Variants in CP observed in about 807,000 individuals in gnomAD.
The protein encoded by CP is ceruloplasmin.
Under a neutral mutation model 122.4 loss-of-function variants are expected in CP, and 64 were observed. That is an observed-to-expected ratio of 0.52 (90% CI 0.43 to 0.64). The LOEUF (loss-of-function observed/expected upper bound fraction) is 0.64, where lower values mean the gene tolerates loss of function less well. Among genes scored for constraint, CP ranks in the 30% least tolerant of loss-of-function variants. The pLI is 0.00. For missense variants in CP, 1,167 were observed against 1,284.4 expected (o/e 0.91, Z 1.40); for synonymous variants, 440 against 436.4 (o/e 1.01, Z -0.10).
Position 149,181,986 on chromosome 3 carries a change from C to CCCCCCCCCA in CP, c.2554+18_2554+19insTGGGGGGGG. 1.7e-6 allele frequency: 1 copy of CCCCCCCCCA among 586,880 alleles called. No homozygotes were observed. The highest frequency in any genetic ancestry group is 2.0e-5 in the Admixed American group (1 of 49,398). The allele number at this position is 586,880 out of a possible 1,614,324, so 36.4% of individuals were successfully genotyped here. ...AGCCTGTTAAAATGCACCACCCCCA[C>CCCCCCCCCA]CCCCGCCCCCGTGAGTACCTGGTAA... On this transcript the variant is annotated intron_variant, in intron 14 of 18. Coordinates refer to ENST00000264613, the MANE Select transcript of CP (RefSeq NM_000096.4).
intron 5 of CP, chr3:149,163,702 C>CT: frequency 1.7e-6 from 1 of 585,218 alleles, no homozygotes; most frequent in Non-Finnish European, 3.0e-6. Flanking sequence ...TTCTTAAAAA[C>CT]TTTCCTTCCC....
rs755549203 is a variant in CP, at chr3:149,206,164, T to C, written c.1208+4A>G. The C allele has an allele frequency of 1.2e-6, 2 of 1,613,528 alleles. No individual in the cohort carries two copies. The highest frequency in any genetic ancestry group is 4.5e-5 in the East Asian group (2 of 44,872). The stretch of plus-strand genomic sequence containing the variant: ...TGAAATAGTACTCTTTTTTTGTAAA[T>C]TACCTTCCAGGTGCTGTTAAGTTTT... On this transcript the variant is annotated splice_donor_region_variant and intron_variant, in intron 6 of 18. Coordinates refer to ENST00000264613, the MANE Select transcript of CP (RefSeq NM_000096.4).
chr3:149,207,498 C>T lies in CP; in HGVS notation c.901G>A (p.Gly301Arg), dbSNP rs753356388. ...EVDVHAAFFH[G>R]QALTNKNYRI... The stretch of plus-strand genomic sequence containing the variant: ...TAGTTCTTGTTAGTCAGTGCTTGCC[C>T]GTGAAAGAAAGCTGCGTGCACATCA... The change falls in exon 5 of 19, where the codon GGG becomes AGG. Residue 301 changes from glycine to arginine, a missense_variant. Transcript: ENST00000264613. 8 of 1,613,764 alleles carry T rather than the reference C, an allele frequency of 5.0e-6. No homozygotes were observed. The highest frequency in any genetic ancestry group is 1.1e-5 in the South Asian group (1 of 91,084).
At chr3:149,211,462 A>G (rs556013622) in intron 2 of CP, among the ~76,000 whole-genome samples, 1 of 152,366 alleles carries the variant, frequency 6.6e-6, no homozygotes, top group Non-Finnish European at 1.5e-5. Context: ...CTTGCTTTTC[A>G]TCACTACAAA....
At chr3:149,220,681 A>G (rs1405493343) in intron 1 of CP, among the ~76,000 whole-genome samples, 11 of 152,168 alleles carry the variant, frequency 7.2e-5, no homozygotes, top group Admixed American at 5.2e-4. Context: ...ATACTCATCA[A>G]TAAGATTCAA....
At chr3:149,220,289 G>A (rs1424194318) in intron 1 of CP, among the ~76,000 whole-genome samples, 2 of 152,138 alleles carry the variant, frequency 1.3e-5, no homozygotes, top group Non-Finnish European at 2.9e-5. Flanking sequence ...CAATGGCAGA[G>A]TGGTGGTGAG....
At chr3:149,197,548 G>A (rs1395626915) in intron 9 of CP, among the ~76,000 whole-genome samples, 1 of 151,798 alleles carries the variant, frequency 6.6e-6, no homozygotes, top group African/African-American at 2.4e-5. Context: ...CAAACTTTTA[G>A]ATGTAACTAC....
At chr3:149,204,248 G>A (rs949195530) in intron 6 of CP, among the ~76,000 whole-genome samples, 6 of 152,184 alleles carry the variant, frequency 3.9e-5, no homozygotes, top group African/African-American at 1.4e-4. Flanking sequence ...CATTTTAGGA[G>A]GATCCCTCTG....
intron 9 of CP, among the ~76,000 whole-genome samples, chr3:149,194,240 T>G (rs1726739818): frequency 7.0e-6 from 1 of 143,622 alleles, no homozygotes; most frequent in Non-Finnish European, 1.5e-5. Flanking sequence ...TATTTTTTAT[T>G]TTTTATTTTT....
At chr3:149,204,655 T>A (rs1171121639) in intron 6 of CP, among the ~76,000 whole-genome samples, 1 of 152,160 alleles carries the variant, frequency 6.6e-6, no homozygotes, top group African/African-American at 2.4e-5. Flanking sequence ...GTTGGATGAA[T>A]TACTTAACCT....
At chr3:149,220,931 G>A (rs1728766320) in intron 1 of CP, among the ~76,000 whole-genome samples, 1 of 152,090 alleles carries the variant, frequency 6.6e-6, no homozygotes, top group African/African-American at 2.4e-5. Flanking sequence ...TAAACTTTTT[G>A]TTTTACTGTG....
At chr3:149,217,334 T>A (rs191193936) in intron 1 of CP, among the ~76,000 whole-genome samples, 37 of 152,332 alleles carry the variant, frequency 2.4e-4, no homozygotes, top group African/African-American at 7.9e-4. Context: ...GAAGGGATGC[T>A]ATATAACTTG....
downstream of CP, among the ~76,000 whole-genome samples, chr3:149,171,142 G>A (rs1338450525): frequency 2.0e-5 from 3 of 152,124 alleles, no homozygotes; most frequent in East Asian, 3.9e-4. Context: ...GCTGGACGTG[G>A]TGGTGCGCAC....
intron 17 of CP, 118 bp from the exon 18 acceptor site, chr3:149,176,530 C>T (rs1451893251): frequency 2.0e-5 from 17 of 852,948 alleles, no homozygotes; most frequent in Non-Finnish European, 2.8e-5. Context: ...TTTAAAAAAT[C>T]GAGCTCGTTT....
chr3:149,200,011 G>T, intron 7 of CP, 147 bp from the exon 8 acceptor site: 1 of 797,580 alleles, frequency 1.3e-6, no homozygotes, highest in Admixed American at 2.1e-5. Context: ...TGGTTTTTGA[G>T]AAGTCCATAA....
chr3:149,210,905 A>G (rs981527053), intron 2 of CP, among the ~76,000 whole-genome samples: 1 of 152,188 alleles, frequency 6.6e-6, no homozygotes, highest in Admixed American at 6.5e-5. Context: ...TATCCCCAGT[A>G]TCATCAAATT....
intron 9 of CP, among the ~76,000 whole-genome samples, chr3:149,192,936 C>G (rs550329984): frequency 1.3e-5 from 2 of 151,812 alleles, no homozygotes; most frequent in South Asian, 4.2e-4. Flanking sequence ...TCAAACTTTT[C>G]TATTGCAACC....
chr3:149,196,532 A>C (rs1726907775), intron 9 of CP, among the ~76,000 whole-genome samples: 1 of 152,194 alleles, frequency 6.6e-6, no homozygotes, highest in Admixed American at 6.5e-5. Context: ...TCTGGCTCCG[A>C]AAATGTGCAA....
chr3:149,171,276 C>CAA (rs547538833), downstream of CP, among the ~76,000 whole-genome samples: 77 of 140,910 alleles, frequency 5.5e-4, no homozygotes, highest in East Asian at 0.014. Context: ...GACTCCGTCT[C>CAA]AAAAAAAAAA....
Sources: allele counts gnomAD v4.1 joint callset (sites outside exome capture counted in the v4.1 genomes callset), GRCh38; gene constraint gnomAD v4.1.1; transcripts MANE v1.5; gene names NCBI Gene and HGNC (gene_info 2026-07-23, HGNC 2026-07-21).